DEUP1: variants seen among roughly 807,000 people sequenced by gnomAD.
DEUP1 encodes coiled-coil domain containing 67.
A neutral mutation model predicts 87.4 loss-of-function variants in DEUP1; 82 were observed. The observed-to-expected ratio is 0.94, with a 90% CI of 0.78 to 1.13. The LOEUF is 1.13. DEUP1 is among the 50% of genes most tolerant of loss of function. DEUP1 has a pLI of 0.00. For synonymous variants in DEUP1, 214 were observed against 222.7 expected (o/e 0.96, Z 0.35); for missense variants, 663 against 681.5 (o/e 0.97, Z 0.30).
intron 4 of DEUP1, among the ~76,000 whole-genome samples, chr11:93,362,725 A>G (rs1473789844): frequency 2.6e-5 from 4 of 151,862 alleles, no homozygotes; most frequent in Non-Finnish European, 4.4e-5. Flanking sequence ...TAAAACATGT[A>G]TCTACACAAA....
At chr11:93,400,448 C>A (rs1475109297) in intron 11 of DEUP1, among the ~76,000 whole-genome samples, 7 of 152,032 alleles carry the variant, frequency 4.6e-5, no homozygotes, top group Non-Finnish European at 8.8e-5. Flanking sequence ...TGCTTCTTCC[C>A]ATCATCCTCT....
intron 13 of DEUP1, among the ~76,000 whole-genome samples, chr11:93,436,405 T>G (rs1399018300): frequency 6.6e-6 from 1 of 152,238 alleles, no homozygotes; most frequent in African/African-American, 2.4e-5. Context: ...GGCCACCACA[T>G]GTGAATGCTA....
At chr11:93,390,162 C>G (rs1946723212) in intron 9 of DEUP1, among the ~76,000 whole-genome samples, 1 of 152,156 alleles carries the variant, frequency 6.6e-6, no homozygotes, top group Admixed American at 6.5e-5. Flanking sequence ...CTGGGTGTGG[C>G]TTTGAATTAT....
intron 13 of DEUP1, among the ~76,000 whole-genome samples, chr11:93,434,352 G>A (rs1460056029): frequency 6.6e-6 from 1 of 152,128 alleles, no homozygotes; most frequent in Admixed American, 6.5e-5. Context: ...TTCTTTTGGG[G>A]TGAGCCCCTA....
intron 7 of DEUP1, among the ~76,000 whole-genome samples, chr11:93,378,458 A>AT (rs1392267254): frequency 3.3e-5 from 5 of 151,618 alleles, no homozygotes; most frequent in Non-Finnish European, 4.4e-5. Context: ...AGAAGTTGTG[A>AT]TTTTTTTAAT....
At chr11:93,411,841 G>T (rs1157103808) in intron 12 of DEUP1, among the ~76,000 whole-genome samples, 1 of 152,132 alleles carries the variant, frequency 6.6e-6, no homozygotes, top group Non-Finnish European at 1.5e-5. Context: ...TCATTAAAAT[G>T]GCTTCAAGTC....
intron 11 of DEUP1, among the ~76,000 whole-genome samples, chr11:93,405,217 T>C (rs1000263536): frequency 6.6e-6 from 1 of 151,962 alleles, no homozygotes; most frequent in Non-Finnish European, 1.5e-5. Context: ...CAACCAGGTC[T>C]GCCCATATGG....
chr11:93,389,773 C>T (rs1276201918), intron 9 of DEUP1, among the ~76,000 whole-genome samples: 2 of 152,190 alleles, frequency 1.3e-5, no homozygotes, highest in Non-Finnish European at 2.9e-5. Context: ...CATACTCTTA[C>T]CCTAAGGTAA....
At chr11:93,389,867 T>C (rs1430433160) in intron 9 of DEUP1, among the ~76,000 whole-genome samples, 4 of 152,034 alleles carry the variant, frequency 2.6e-5, no homozygotes, top group Admixed American at 6.5e-5. Context: ...TCAGTAGTTA[T>C]TTATTGCACC....
At chr11:93,417,979 T>C (rs79414252) in intron 13 of DEUP1, among the ~76,000 whole-genome samples, 125,527 of 150,304 alleles carry the variant, frequency 0.84, 52,554 homozygotes, top group East Asian at 0.91. Context: ...GCTAGCCATA[T>C]GTAGAAAGCT....
intron 11 of DEUP1, among the ~76,000 whole-genome samples, chr11:93,403,265 TTAAG>T (rs1444262599): frequency 6.6e-6 from 1 of 151,872 alleles, no homozygotes; most frequent in Non-Finnish European, 1.5e-5. Context: ...TTAGAATAGT[TTAAG>T]TAATATTGTA....
At position 93,401,914 on chromosome 11, in the gene DEUP1, A is replaced by G. The variant is rs556558972; in HGVS notation, c.1326+5589A>G. 2.6e-4 allele frequency among the ~76,000 whole-genome samples: 39 copies of G among 152,084 alleles called. No homozygotes were observed. In the South Asian group the frequency reaches 7.7e-3, roughly 30 times the overall value. On this transcript the variant is annotated intron_variant, in intron 11 of 13. Transcript: ENST00000298050. ...AACTATGAAACTACTAAAAGAAGACATTAGGGAAATACTCCATGACTTTAG... is the reference window on the plus strand; with the variant it reads ...AACTATGAAACTACTAAAAGAAGACGTTAGGGAAATACTCCATGACTTTAG...
chr11:93,391,084 G>GAAA (rs61521758), intron 9 of DEUP1, among the ~76,000 whole-genome samples: 2 of 122,520 alleles, frequency 1.6e-5, no homozygotes, highest in African/African-American at 5.8e-5. Context: ...TCTGTCTCAG[G>GAAA]AAAAAAAAAA....
chr11:93,385,093 G>A (rs1181595000), intron 7 of DEUP1, among the ~76,000 whole-genome samples: 3 of 152,038 alleles, frequency 2.0e-5, no homozygotes, highest in African/African-American at 7.2e-5. Context: ...ATGGTGGCAC[G>A]AGCCTTTAAA....
chr11:93,428,287 C>T (rs1302527557), intron 13 of DEUP1, among the ~76,000 whole-genome samples: 3 of 152,038 alleles, frequency 2.0e-5, no homozygotes, highest in Non-Finnish European at 2.9e-5. Context: ...GAGTTCATGT[C>T]CTCTGTAGGG....
intron 7 of DEUP1, chr11:93,383,659 GATT>G: frequency 4.7e-6 from 3 of 634,608 alleles, no homozygotes; most frequent in East Asian, 2.8e-5. Flanking sequence ...CAATAATATT[GATT>G]ATATTTCAAT....
rs778279449 is a variant in DEUP1, at chr11:93,396,312, C to A, written c.1313C>A (p.Pro438His). The A allele has an allele frequency of 1.3e-6, 2 of 1,559,956 alleles. No homozygotes were observed. Among genetic ancestry groups the A allele is most frequent in the Non-Finnish European group, 1.7e-6 (2 of 1,146,108 alleles). The change falls in exon 11 of 14, where the codon CCC (proline) becomes CAC (histidine). Residue 438 changes from proline (P) to histidine (H), a missense_variant. By Grantham distance (77) the Pro-to-His change is moderately conservative. Coordinates refer to ENST00000298050, the MANE Select transcript of DEUP1 (RefSeq NM_181645.4). ...AAAGGAATGATGGGAGATTTAGACC[C>A]CGGAGAATACATGGTAATATGCTGA... ...HLKGMMGDLDPGEYMSMDFTN... is the reference protein window; with the variant it reads ...HLKGMMGDLDHGEYMSMDFTN...
At chr11:93,381,461 A>G (rs1275788721) in intron 7 of DEUP1, among the ~76,000 whole-genome samples, 2 of 152,202 alleles carry the variant, frequency 1.3e-5, no homozygotes, top group African/African-American at 2.4e-5. Context: ...GGCACACTTT[A>G]ATAGCAGATG....
intron 4 of DEUP1, among the ~76,000 whole-genome samples, chr11:93,360,083 C>T (rs528903301): frequency 6.6e-6 from 1 of 152,102 alleles, no homozygotes; most frequent in Non-Finnish European, 1.5e-5. Flanking sequence ...GACAAGTTCA[C>T]CCACCCCCAC....
Sources: allele counts gnomAD v4.1 joint callset (sites outside exome capture counted in the v4.1 genomes callset), GRCh38; gene constraint gnomAD v4.1.1; transcripts MANE v1.5; gene names NCBI Gene and HGNC (gene_info 2026-07-23, HGNC 2026-07-21).